Variants in REPIN1 observed in about 807,000 individuals in gnomAD.
REPIN1 encodes the protein replication initiator 1.
REPIN1 carries 4 observed loss-of-function variants against 5.7 expected under a neutral mutation model. The observed-to-expected ratio is 0.71, with a 90% CI of 0.35 to 1.62. The LOEUF (loss-of-function observed/expected upper bound fraction) is 1.62. Ranked by LOEUF, REPIN1 falls within the 40% of genes most tolerant of loss-of-function variation. The probability of loss-of-function intolerance (pLI) is 0.05; values close to 1 mark genes in which losing one functional copy is unlikely to be tolerated. For missense variants in REPIN1, 854 were observed against 901.0 expected (o/e 0.95, Z 0.67); for synonymous variants, 410 against 386.2 (o/e 1.06, Z -0.72).
chr7:150,372,540 C>A lies in REPIN1; in HGVS notation c.1470C>A (p.Cys490Ter). Residue 490 changes from cysteine to a stop codon, truncating the protein, a stop_gained, in exon 3 of 3, where the codon TGC (cysteine) becomes TGA (stop). Transcript: ENST00000489432. LOFTEE classifies it low-confidence loss of function (END_TRUNC). ...RVHSGERPFA[C>*]EECGRRFSQG... is the part of the protein sequence containing the mutation. ...ACTCCGGCGAGCGGCCCTTCGCCTGCGAGGAGTGCGGCCGCCGCTTCTCCC... is the reference window on the plus strand; with the variant it reads ...ACTCCGGCGAGCGGCCCTTCGCCTGAGAGGAGTGCGGCCGCCGCTTCTCCC... The A allele has an allele frequency of 6.4e-7, 1 of 1,566,584 alleles. No individual in the cohort carries two copies. Among genetic ancestry groups the A allele is most frequent in the Non-Finnish European group, 8.6e-7 (1 of 1,162,652 alleles).
In REPIN1 at chr7:150,372,996, T is replaced by C; in HGVS notation, c.*51T>C. 1 of 1,573,216 alleles carries C rather than the reference T, an allele frequency of 6.4e-7. No homozygotes were observed. The highest frequency in any genetic ancestry group is 1.3e-5 in the African/African-American group (1 of 74,290). ...GAGAGAGGGCTGGGGTCCTTCGTGG[T>C]GGGAGTCGCAGTGGGCTGGGGGTGC... is the stretch of plus-strand genomic sequence containing the variant. On this transcript the variant is annotated 3_prime_UTR_variant, in exon 3 of 3. Coordinates refer to ENST00000489432, the MANE Select transcript of REPIN1 (RefSeq NM_001099695.2).
rs1165685602 is a variant in REPIN1 at position 150,373,118 on chromosome 7, C to G, written c.*173C>G. 1.0e-6 allele frequency: 1 copy of G among 977,624 alleles called. No individual in the cohort carries two copies. Among genetic ancestry groups the G allele is most frequent in the Non-Finnish European group, 1.5e-6 (1 of 669,204 alleles). The allele number at this position is 977,624 out of a possible 1,614,324, so 60.6% of individuals were successfully genotyped here. A position where few individuals can be genotyped will look rare whatever the true frequency, so the allele number is the denominator to read the frequency against. The stretch of plus-strand genomic sequence containing the variant: ...GGCCCTGCTAGCGAGAGAGGTCAAC[C>G]CCGGTGGCCAGGGAACCCACTTCCA... On this transcript the variant is annotated 3_prime_UTR_variant, in exon 3 of 3. Transcript: ENST00000489432.
chr7:150,372,512 T>A lies in REPIN1; in HGVS notation c.1442T>A (p.Val481Glu). The change falls in exon 3 of 3, where the codon GTG becomes GAG. Residue 481 changes from valine to glutamate, a missense_variant. Coordinates refer to ENST00000489432, the MANE Select transcript of REPIN1 (RefSeq NM_001099695.2). The stretch of plus-strand genomic sequence containing the variant: ...ACGCACCTGGTGGCGCACTCGCGCG[T>A]GCACTCCGGCGAGCGGCCCTTCGCC... ...KKTHLVAHSR[V>E]HSGERPFACE... The A allele has an allele frequency of 6.4e-7, 1 of 1,553,494 alleles. No homozygotes were observed. The highest frequency in any genetic ancestry group is 1.4e-5 in the African/African-American group (1 of 73,582).
chr7:150,371,607 G>C lies in REPIN1; in HGVS notation c.537G>C (p.Gly179=). 6.2e-7 allele frequency: 1 copy of C among 1,604,976 alleles called. No individual in the cohort carries two copies. The highest frequency in any genetic ancestry group is 8.5e-7 in the Non-Finnish European group (1 of 1,179,046). ...TGGGCTTTGCCTGCCACCTCTGTGG[G>C]CAGAGCTTCCGAGGCTGGGTGGCCC... ...PDLGFACHLC[G]QSFRGWVALV... The change falls in exon 3 of 3, where the codon GGG becomes GGC. Residue 179 remains glycine, a synonymous_variant. Transcript: ENST00000489432.
chr7:150,369,524 T>G lies in REPIN1; in HGVS notation c.-41-147T>G, dbSNP rs941912669. On this transcript the variant is annotated intron_variant, in intron 1 of 2. Coordinates refer to ENST00000489432, the MANE Select transcript of REPIN1 (RefSeq NM_001099695.2). ...ATTCATTTATTAATCCAATGTCCAT[T>G]AAGGTCACTCTGCCAGGCAGGATGT... 19 of 680,750 alleles carry G rather than the reference T, an allele frequency of 2.8e-5. No individual in the cohort carries two copies. The African/African-American group carries it at 3.2e-4, about 11-fold the overall frequency. 42.2% of individuals were successfully genotyped at this position (680,750 alleles called of 1,614,324 possible).
intron 2 of REPIN1, 27 bp from the exon 3 acceptor site, chr7:150,371,184 AGAGTGAGTTGGTCTCTG>A: frequency 6.6e-7 from 1 of 1,506,932 alleles, no homozygotes; most frequent in Non-Finnish European, 8.9e-7. Context: ...AAACAGGGGC[AGAGTGAGTTGGTCTCTG>A]GAGTGACTGT....
Position 150,368,932 on chromosome 7 carries a change from C to A in REPIN1, c.-51C>A. On this transcript the variant is annotated 5_prime_UTR_variant, in exon 1 of 3. Coordinates refer to ENST00000489432, the MANE Select transcript of REPIN1 (RefSeq NM_001099695.2). ...ACGGGCGCCGCGTCCCTGCACAGCC[C>A]GCCGCAGAGGTACGGCCGGGGCAGG... 1 of 369,814 alleles carries A rather than the reference C, an allele frequency of 2.7e-6. No homozygotes were observed. The highest frequency in any genetic ancestry group is 4.8e-6 in the Non-Finnish European group (1 of 208,086). 22.9% of individuals were successfully genotyped at this position (369,814 alleles called of 1,614,324 possible).
chr7:150,371,720 T>C lies in REPIN1; in HGVS notation c.650T>C (p.Leu217Pro), dbSNP rs774866785. 1 of 1,608,542 alleles carries C rather than the reference T, an allele frequency of 6.2e-7. No homozygotes were observed. Among genetic ancestry groups the C allele is most frequent in the Non-Finnish European group, 8.5e-7 (1 of 1,179,884 alleles). The change falls in exon 3 of 3, where the codon CTT becomes CCT. Residue 217 changes from leucine (L) to proline (P), a missense_variant. Leu to Pro is a moderately conservative substitution (Grantham distance 98, BLOSUM62 -3). Around this residue, in one of 5 missense-constraint regions of REPIN1, gnomAD observed 409 missense variants for 418.6 expected, o/e 0.98. Coordinates refer to ENST00000489432, the MANE Select transcript of REPIN1 (RefSeq NM_001099695.2). ...AGACGCTTCTGGCGACGAAAGCAGC[T>C]TCGAGCTCATCTGCGGCGGTGCCAC... ...CERRFWRRKQ[L>P]RAHLRRCHPP...
intron 2 of REPIN1, chr7:150,370,874 C>T (rs1799623006): frequency 1.4e-6 from 1 of 700,964 alleles, no homozygotes; most frequent in South Asian, 1.5e-5. Flanking sequence ...GAGCAGTGGC[C>T]ACATTTTCTG....
rs764619864 is a variant in REPIN1 at position 150,372,228 on chromosome 7, C to T, written c.1158C>T (p.Ser386=). 1.7e-5 allele frequency: 26 copies of T among 1,558,732 alleles called. No homozygotes were observed. Among genetic ancestry groups the T allele is most frequent in the East Asian group, 4.7e-5 (2 of 42,636 alleles). ...CCCAGGCCGCCCCCGGCCCGGGGAGCCCCCAGCTGCCAGCCGGCCCCCAGG... is the reference window on the plus strand; with the variant it reads ...CCCAGGCCGCCCCCGGCCCGGGGAGTCCCCAGCTGCCAGCCGGCCCCCAGG... ...GSAQAAPGPG[S]PQLPAGPQES... Residue 386 remains serine, a synonymous_variant, in exon 3 of 3, where the codon AGC becomes AGT. Coordinates refer to ENST00000489432, the MANE Select transcript of REPIN1 (RefSeq NM_001099695.2).
chr7:150,368,507 C>T (rs1799060171), upstream of REPIN1, among the ~76,000 whole-genome samples: 1 of 152,152 alleles, frequency 6.6e-6, no homozygotes, highest in Admixed American at 6.5e-5. Flanking sequence ...CATAGGCCAG[C>T]CACGCGGTCG....
rs1799845911 is a variant in REPIN1, at chr7:150,372,065, A to G, written c.995A>G (p.Asn332Ser). The G allele has an allele frequency of 1.2e-6, 2 of 1,612,418 alleles. No individual in the cohort carries two copies. Among genetic ancestry groups the G allele is most frequent in the Non-Finnish European group, 8.5e-7 (1 of 1,179,704 alleles). ...QCPECGKRFT[N>S]KPYLTSHRRI... ...CCCGAGTGCGGGAAGCGCTTTACCA[A>G]TAAGCCCTATCTGACTTCGCACCGG... Residue 332 changes from asparagine (N) to serine (S), a missense_variant, in exon 3 of 3, where the codon AAT (asparagine) becomes AGT (serine). Around this residue, in one of 5 missense-constraint regions of REPIN1, gnomAD observed 327 missense variants for 307.8 expected, o/e 1.06. Coordinates refer to ENST00000489432, the MANE Select transcript of REPIN1 (RefSeq NM_001099695.2).
chr7:150,368,993 C>A, intron 1 of REPIN1, 52 bp downstream of exon 1: 1 of 380,024 alleles, frequency 2.6e-6, no homozygotes, highest in African/African-American at 2.1e-5. Flanking sequence ...GGGGGCCGCT[C>A]CACCTGCGGG....
chr7:150,368,350 C>A (rs1799036531), upstream of REPIN1: 1 of 152,128 alleles, frequency 6.6e-6, no homozygotes, highest in Admixed American at 6.5e-5. Context: ...ACCGCCGCGG[C>A]CGCAAGCGTC....
chr7:150,369,027 A>C, intron 1 of REPIN1, 86 bp downstream of exon 1: 2 of 161,286 alleles, frequency 1.2e-5, no homozygotes, highest in Non-Finnish European at 1.2e-5. Flanking sequence ...AGTGTGCGCG[A>C]CCGTGTGTGA....
In REPIN1 at chr7:150,373,087, T is replaced by A. The variant is rs1800053734; in HGVS notation, c.*142T>A. 8.1e-7 allele frequency: 1 copy of A among 1,235,812 alleles called. No individual in the cohort carries two copies. The highest frequency in any genetic ancestry group is 2.8e-5 in the Admixed American group (1 of 35,866). 76.6% of individuals were successfully genotyped at this position (1,235,812 alleles called of 1,614,324 possible). A position where few individuals can be genotyped will look rare whatever the true frequency, so the allele number is the denominator to read the frequency against. Reference sequence around the variant, plus strand: ...GGGATGGAAGACGCGGGGAGTGAGCTGGGTGGGCCCTGCTAGCGAGAGAGG... The same window carrying A: ...GGGATGGAAGACGCGGGGAGTGAGCAGGGTGGGCCCTGCTAGCGAGAGAGG... On this transcript the variant is annotated 3_prime_UTR_variant, in exon 3 of 3. Transcript: ENST00000489432.
chr7:150,369,476 G>A (rs1283122449), intron 1 of REPIN1, 195 bp from the exon 2 acceptor site: 11 of 575,352 alleles, frequency 1.9e-5, no homozygotes, highest in Non-Finnish European at 3.2e-5. Flanking sequence ...AGACAGCAGT[G>A]TGCTTCCTTG....
chr7:150,369,445 A>G (rs1215263319), intron 1 of REPIN1: 1 of 515,258 alleles, frequency 1.9e-6, no homozygotes, highest in Non-Finnish European at 3.6e-6. Context: ...TGACCTTACC[A>G]GGGAAGAAAG....
upstream of REPIN1, chr7:150,368,801 G>T: frequency 3.4e-6 from 1 of 297,910 alleles, no homozygotes; most frequent in East Asian, 6.3e-5. Flanking sequence ...CCGGCGGGGG[G>T]AGGTTGGGGA....
Sources: allele counts gnomAD v4.1 joint callset (sites outside exome capture counted in the v4.1 genomes callset), GRCh38; gene constraint gnomAD v4.1.1; regional missense constraint gnomAD v4.1.1; transcripts MANE v1.5; gene names NCBI Gene and HGNC (gene_info 2026-07-23, HGNC 2026-07-21).